The following CNTNAP2 variants were observed in gnomAD, a reference collection of about 807,000 sequenced individuals.
CNTNAP2 encodes the protein contactin-associated protein-like 2.
CNTNAP2 carries 98 observed loss-of-function variants against 155.2 expected under a neutral mutation model. The observed-to-expected ratio is 0.63, with a 90% CI of 0.54 to 0.75. The LOEUF is 0.75. CNTNAP2 is among the 30% of genes least tolerant of loss of function. The pLI, the probability that CNTNAP2 is intolerant of heterozygous loss-of-function variation, is 0.00. For missense variants in CNTNAP2, 1,727 were observed against 1,688.1 expected (o/e 1.02, Z -0.40); for synonymous variants, 651 against 631.2 (o/e 1.03, Z -0.47).
At chr7:148,122,600 G>A (rs1804623139) in intron 16 of CNTNAP2, among the ~76,000 whole-genome samples, 1 of 152,138 alleles carries the variant, frequency 6.6e-6, no homozygotes, top group East Asian at 1.9e-4. Context: ...CTCTGCCAGG[G>A]GGAGCATCTG....
intron 1 of CNTNAP2, among the ~76,000 whole-genome samples, chr7:146,472,461 A>T (rs1251421998): frequency 6.6e-6 from 1 of 152,230 alleles, no homozygotes; most frequent in Non-Finnish European, 1.5e-5. Context: ...TTGCACTCGG[A>T]TAACCACTAG....
chr7:147,865,037 C>T (rs1056351294), intron 13 of CNTNAP2, among the ~76,000 whole-genome samples: 2 of 152,136 alleles, frequency 1.3e-5, no homozygotes, highest in Non-Finnish European at 2.9e-5. Context: ...AGTTTTTGCC[C>T]ATTCAGTATG....
At chr7:147,914,612 A>C (rs1200604222) in intron 14 of CNTNAP2, among the ~76,000 whole-genome samples, 1 of 152,004 alleles carries the variant, frequency 6.6e-6, no homozygotes, top group Non-Finnish European at 1.5e-5. Context: ...CCCAGCTGAA[A>C]TACAGTGACA....
In CNTNAP2 at chr7:147,734,636, T is replaced by G. The variant is rs567842417; in HGVS notation, c.2098+95330T>G. The stretch of plus-strand genomic sequence containing the variant: ...CTCTGGTAGAATTTGGCTGTGAATC[T>G]GTCTGGTCCTGCACATTTTTTGGTT... On this transcript the variant is annotated intron_variant, in intron 13 of 23. Coordinates refer to ENST00000361727, the MANE Select transcript of CNTNAP2 (RefSeq NM_014141.6). Among the ~76,000 whole-genome samples the G allele has an allele frequency of 6.6e-5, 10 of 152,324 alleles. No individual in the cohort carries two copies. The South Asian group carries it at 1.9e-3, about 28-fold the overall frequency.
intron 12 of CNTNAP2, among the ~76,000 whole-genome samples, chr7:147,599,760 C>T (rs7799324): frequency 0.68 from 102,876 of 151,910 alleles, 35,238 homozygotes; most frequent in African/African-American, 0.76. Context: ...TCCCCTTTTC[C>T]TATGAGGATA....
intron 9 of CNTNAP2, among the ~76,000 whole-genome samples, chr7:147,372,615 C>A (rs1240998487): frequency 2.0e-5 from 3 of 152,092 alleles, no homozygotes; most frequent in South Asian, 2.1e-4. Flanking sequence ...ACATTATAAC[C>A]ATTATAACAT....
intron 10 of CNTNAP2, among the ~76,000 whole-genome samples, chr7:147,398,287 C>A (rs75608767): frequency 6.6e-6 from 1 of 152,066 alleles, no homozygotes; most frequent in South Asian, 2.1e-4. Context: ...GCAACTGCCC[C>A]GTATCTACAA....
At chr7:147,182,281 TAATC>T (rs925045569) in intron 8 of CNTNAP2, among the ~76,000 whole-genome samples, 47 of 152,150 alleles carry the variant, frequency 3.1e-4, no homozygotes, top group Middle Eastern at 3.4e-3. Flanking sequence ...AATAAGAAAA[TAATC>T]AATATTAACC....
intron 18 of CNTNAP2, chr7:148,190,781 C>T (rs891319587): frequency 1.3e-5 from 2 of 151,586 alleles, no homozygotes; most frequent in Non-Finnish European, 2.9e-5. Context: ...GGTACAAGTT[C>T]TGTAGTACAA....
At chr7:147,287,633 G>C (rs1382398329) in intron 8 of CNTNAP2, among the ~76,000 whole-genome samples, 1 of 151,950 alleles carries the variant, frequency 6.6e-6, no homozygotes, top group Non-Finnish European at 1.5e-5. Flanking sequence ...CATACGATTT[G>C]TATCTCCAGA....
intron 8 of CNTNAP2, among the ~76,000 whole-genome samples, chr7:147,256,198 C>T (rs1804320840): frequency 6.7e-6 from 1 of 148,342 alleles, no homozygotes; most frequent in Non-Finnish European, 1.5e-5. Flanking sequence ...ATTTTCTTAA[C>T]ACGCTAAAGT....
At chr7:146,742,580 C>T (rs897087895) in intron 1 of CNTNAP2, among the ~76,000 whole-genome samples, 4 of 151,752 alleles carry the variant, frequency 2.6e-5, no homozygotes, top group Middle Eastern at 3.2e-3. Flanking sequence ...GACTGAAGAG[C>T]GGAAGATTAG....
At chr7:146,920,779 T>TA (rs1465078614) in intron 3 of CNTNAP2, among the ~76,000 whole-genome samples, 1 of 152,242 alleles carries the variant, frequency 6.6e-6, no homozygotes. Context: ...CTTTGCAGAC[T>TA]AAATTTTGTT....
At chr7:148,342,403 G>C (rs182186195) in intron 21 of CNTNAP2, among the ~76,000 whole-genome samples, 8 of 152,254 alleles carry the variant, frequency 5.3e-5, no homozygotes, top group Admixed American at 5.2e-4. Flanking sequence ...TTAATATTTA[G>C]TATTTTCTCA....
At chr7:147,618,676 C>T (rs192926181) in intron 12 of CNTNAP2, among the ~76,000 whole-genome samples, 7 of 142,750 alleles carry the variant, frequency 4.9e-5, no homozygotes, top group Non-Finnish European at 1.0e-4. Flanking sequence ...TATATAATAA[C>T]AGCTATTATA....
chr7:148,240,033 G>A (rs990490226), intron 20 of CNTNAP2, among the ~76,000 whole-genome samples: 5 of 152,128 alleles, frequency 3.3e-5, no homozygotes, highest in East Asian at 1.9e-4. Context: ...AACAGCAATC[G>A]TTTCTGAAGC....
chr7:147,099,197 G>T (rs1800607031), intron 4 of CNTNAP2, among the ~76,000 whole-genome samples: 1 of 152,176 alleles, frequency 6.6e-6, no homozygotes, highest in Admixed American at 6.5e-5. Context: ...CTGATTCTGG[G>T]ATGAATAGGG....
At chr7:146,803,115 T>C (rs1011135551) in intron 2 of CNTNAP2, among the ~76,000 whole-genome samples, 1 of 152,170 alleles carries the variant, frequency 6.6e-6, no homozygotes, top group African/African-American at 2.4e-5. Flanking sequence ...AGGTAAAATA[T>C]GTATTGTTAG....
intron 1 of CNTNAP2, among the ~76,000 whole-genome samples, chr7:146,698,722 CTCTT>C (rs1356126012): frequency 6.6e-6 from 1 of 152,074 alleles, no homozygotes; most frequent in Non-Finnish European, 1.5e-5. Context: ...CTTTCTCTCT[CTCTT>C]TCTCTCTCTC....
Sources: allele counts gnomAD v4.1 joint callset (sites outside exome capture counted in the v4.1 genomes callset), GRCh38; gene constraint gnomAD v4.1.1; transcripts MANE v1.5; gene names NCBI Gene and HGNC (gene_info 2026-07-23, HGNC 2026-07-21).